Variants in XKR4 observed in about 807,000 individuals in gnomAD.
The protein encoded by XKR4 is XK related 4.
In XKR4, 12 loss-of-function variants were observed where a neutral mutation model predicts 53.9. The ratio of observed to expected loss-of-function variants is 0.22; its 90% CI spans 0.14 to 0.36. The LOEUF (loss-of-function observed/expected upper bound fraction) is 0.36. Ranked by LOEUF, XKR4 falls within the 10% of genes least tolerant of loss-of-function variation. The pLI, the probability that XKR4 is intolerant of heterozygous loss-of-function variation, is 1.00. For synonymous variants in XKR4, 354 were observed against 362.4 expected, an observed-to-expected ratio of 0.98 and a Z score of 0.26; for missense variants, 799 against 859.5, an observed-to-expected ratio of 0.93 and a Z score of 0.88.
At chr8:55,440,536 A>G (rs1159158890) in intron 2 of XKR4, among the ~76,000 whole-genome samples, 1 of 152,182 alleles carries the variant, frequency 6.6e-6, no homozygotes, top group Non-Finnish European at 1.5e-5. Flanking sequence ...AAATATGCAC[A>G]TGAAGATTTC....
intron 2 of XKR4, among the ~76,000 whole-genome samples, chr8:55,365,793 A>G (rs1403823862): frequency 6.6e-6 from 1 of 151,914 alleles, no homozygotes; most frequent in Admixed American, 6.6e-5. Flanking sequence ...AGTGATGCTC[A>G]TGAAATCAGG....
chr8:55,505,026 A>G (rs1422639201), intron 2 of XKR4, among the ~76,000 whole-genome samples: 1 of 151,036 alleles, frequency 6.6e-6, no homozygotes, highest in African/African-American at 2.4e-5. Flanking sequence ...GATTTTCTCT[A>G]TTGTTTTTCT....
At chr8:55,459,294 TA>T (rs1448073591) in intron 2 of XKR4, among the ~76,000 whole-genome samples, 1 of 152,144 alleles carries the variant, frequency 6.6e-6, no homozygotes, top group Non-Finnish European at 1.5e-5. Context: ...AACATAGACC[TA>T]AATGTAAGTA....
chr8:55,239,998 A>T (rs1818186936), intron 1 of XKR4, among the ~76,000 whole-genome samples: 1 of 152,168 alleles, frequency 6.6e-6, no homozygotes, highest in African/African-American at 2.4e-5. Flanking sequence ...GAGTGTGTAT[A>T]TCTACCTATA....
chr8:55,131,933 A>G (rs142586340), intron 1 of XKR4, among the ~76,000 whole-genome samples: 1 of 152,156 alleles, frequency 6.6e-6, no homozygotes, highest in African/African-American at 2.4e-5. Flanking sequence ...CACAGTCTTA[A>G]TGAGAGCCAT....
At chr8:55,406,108 G>A (rs769712624) in intron 2 of XKR4, among the ~76,000 whole-genome samples, 4 of 152,200 alleles carry the variant, frequency 2.6e-5, no homozygotes, top group Non-Finnish European at 5.9e-5. Context: ...TCTGATCTGA[G>A]ACATGGCCTT....
intron 1 of XKR4, among the ~76,000 whole-genome samples, chr8:55,233,059 A>G (rs1818066347): frequency 6.6e-6 from 1 of 152,216 alleles, no homozygotes; most frequent in Admixed American, 6.5e-5. Flanking sequence ...GGAGGGCTGG[A>G]TGACTGGTTT....
At chr8:55,386,274 C>T (rs1390479176) in intron 2 of XKR4, among the ~76,000 whole-genome samples, 1 of 152,200 alleles carries the variant, frequency 6.6e-6, no homozygotes, top group Non-Finnish European at 1.5e-5. Flanking sequence ...GAGTCTTCCC[C>T]AGAGTCCACT....
intron 2 of XKR4, among the ~76,000 whole-genome samples, chr8:55,496,678 C>T (rs777681727): frequency 6.6e-6 from 1 of 152,164 alleles, no homozygotes; most frequent in Non-Finnish European, 1.5e-5. Context: ...ACTATGTAGG[C>T]TTTTGAATGT....
At chr8:55,304,870 TA>T (rs1819269197) in intron 1 of XKR4, among the ~76,000 whole-genome samples, 1 of 152,166 alleles carries the variant, frequency 6.6e-6, no homozygotes, top group South Asian at 2.1e-4. Context: ...TCCATCCCTT[TA>T]TTTTGAGCCT....
chr8:55,352,615 G>A (rs1803739818), intron 1 of XKR4, among the ~76,000 whole-genome samples: 1 of 152,206 alleles, frequency 6.6e-6, no homozygotes, highest in Non-Finnish European at 1.5e-5. Context: ...AGCATTTACT[G>A]AATGCTTACT....
intron 1 of XKR4, among the ~76,000 whole-genome samples, chr8:55,127,101 C>A (rs1404801932): frequency 6.6e-6 from 1 of 152,114 alleles, no homozygotes; most frequent in Non-Finnish European, 1.5e-5. Context: ...CAGTGGCATG[C>A]AAGAAACTGG....
At chr8:55,479,652 G>A (rs982386443) in intron 2 of XKR4, among the ~76,000 whole-genome samples, 9 of 151,978 alleles carry the variant, frequency 5.9e-5, no homozygotes, top group African/African-American at 2.2e-4. Context: ...TAGACCACTA[G>A]CAAGACTAAT....
intron 2 of XKR4, among the ~76,000 whole-genome samples, chr8:55,406,052 A>G (rs1287234187): frequency 3.3e-5 from 5 of 152,230 alleles, no homozygotes; most frequent in African/African-American, 1.2e-4. Flanking sequence ...GACCCTGATC[A>G]ATGATGAGAT....
intron 2 of XKR4, among the ~76,000 whole-genome samples, chr8:55,502,490 G>C (rs1026573422): frequency 1.3e-5 from 2 of 152,146 alleles, no homozygotes; most frequent in East Asian, 1.9e-4. Context: ...GTGATGTTGA[G>C]TATCTTTTCA....
At chr8:55,164,251 C>T (rs1385921616) in intron 1 of XKR4, 2 of 456,374 alleles carry the variant, frequency 4.4e-6, no homozygotes, top group Non-Finnish European at 8.8e-6. Context: ...CCCATCTCCT[C>T]TTTCTCTGTC....
intron 1 of XKR4, among the ~76,000 whole-genome samples, chr8:55,341,158 T>C (rs1488908085): frequency 6.6e-6 from 1 of 152,122 alleles, no homozygotes; most frequent in Non-Finnish European, 1.5e-5. Context: ...TCCCAGGAAG[T>C]ACTAGTCAGA....
chr8:55,234,295 A>C (rs1228050991), intron 1 of XKR4, among the ~76,000 whole-genome samples: 2 of 152,230 alleles, frequency 1.3e-5, no homozygotes, highest in Non-Finnish European at 2.9e-5. Context: ...GTGCAAAATC[A>C]GATTTTTGCA....
At chr8:55,366,210 G>A (rs1227490390) in intron 2 of XKR4, among the ~76,000 whole-genome samples, 1 of 152,248 alleles carries the variant, frequency 6.6e-6, no homozygotes, top group South Asian at 2.1e-4. Flanking sequence ...CCACCGGGCA[G>A]CCAGCCAGTC....
Sources: allele counts gnomAD v4.1 joint callset (sites outside exome capture counted in the v4.1 genomes callset), GRCh38; gene constraint gnomAD v4.1.1; transcripts MANE v1.5; gene names NCBI Gene and HGNC (gene_info 2026-07-23, HGNC 2026-07-21).